CFAP299: variants seen among roughly 807,000 people sequenced by gnomAD.
CFAP299 encodes the protein cilia and flagella associated protein 299, also known as cilia- and flagella-associated protein 299.
CFAP299 carries 21 observed loss-of-function variants against 27.0 expected under a neutral mutation model. That is an observed-to-expected ratio of 0.78 (90% CI 0.55 to 1.12). The LOEUF is 1.12. CFAP299 is among the 50% of genes most tolerant of loss of function. CFAP299 has a pLI of 0.00. For synonymous variants in CFAP299, 104 were observed against 98.1 expected (o/e 1.06, Z -0.36); for missense variants, 310 against 276.6 (o/e 1.12, Z -0.86).
At chr4:80,814,241 C>G (rs976748356) in intron 3 of CFAP299, among the ~76,000 whole-genome samples, 4 of 151,990 alleles carry the variant, frequency 2.6e-5, no homozygotes, top group Admixed American at 6.6e-5. Context: ...TAATTATGTT[C>G]TTTCCTTCAA....
chr4:80,834,458 A>G (rs775484811), intron 3 of CFAP299, among the ~76,000 whole-genome samples: 1 of 152,176 alleles, frequency 6.6e-6, no homozygotes, highest in African/African-American at 2.4e-5. Flanking sequence ...TACAACATCT[A>G]TTACTTAATG....
At chr4:80,710,667 C>T (rs1010985725) in intron 3 of CFAP299, among the ~76,000 whole-genome samples, 1 of 151,270 alleles carries the variant, frequency 6.6e-6, no homozygotes, top group African/African-American at 2.4e-5. Context: ...TACCAGCGTT[C>T]CAACTACATC....
intron 3 of CFAP299, among the ~76,000 whole-genome samples, chr4:80,815,144 A>T (rs1263085884): frequency 1.3e-5 from 2 of 152,062 alleles, no homozygotes; most frequent in Admixed American, 1.3e-4. Flanking sequence ...AGACATGGAG[A>T]TGGAAAATAT....
intron 3 of CFAP299, among the ~76,000 whole-genome samples, chr4:80,796,556 G>T (rs1727872959): frequency 6.6e-6 from 1 of 152,156 alleles, no homozygotes; most frequent in Admixed American, 6.6e-5. Flanking sequence ...TGCTTCTGGT[G>T]GGCCTTATGG....
intron 4 of CFAP299, among the ~76,000 whole-genome samples, chr4:80,895,528 T>C (rs568884864): frequency 1.3e-5 from 2 of 152,046 alleles, no homozygotes; most frequent in Non-Finnish European, 2.9e-5. Context: ...TTCACAAATA[T>C]ATGTTTTGTC....
At chr4:80,547,826 G>A (rs1418954090) in intron 2 of CFAP299, among the ~76,000 whole-genome samples, 3 of 152,094 alleles carry the variant, frequency 2.0e-5, no homozygotes, top group Non-Finnish European at 4.4e-5. Context: ...AACCACATGA[G>A]ATACCATTTC....
intron 2 of CFAP299, among the ~76,000 whole-genome samples, chr4:80,500,100 T>C (rs1731668480): frequency 6.6e-6 from 1 of 152,112 alleles, no homozygotes; most frequent in African/African-American, 2.4e-5. Context: ...ACAGTCTGGA[T>C]TGAACTCCCA....
chr4:80,732,970 A>G (rs1351992391), intron 3 of CFAP299, among the ~76,000 whole-genome samples: 1 of 152,112 alleles, frequency 6.6e-6, no homozygotes, highest in Non-Finnish European at 1.5e-5. Flanking sequence ...TCAGTAATAC[A>G]CATGTGTTAT....
At chr4:80,704,225 T>A (rs1388113688) in intron 3 of CFAP299, among the ~76,000 whole-genome samples, 1 of 151,570 alleles carries the variant, frequency 6.6e-6, no homozygotes, top group East Asian at 1.9e-4. Flanking sequence ...ATTCATATAC[T>A]ATTGGAAGTA....
At chr4:80,739,860 C>A (rs1724151076) in intron 3 of CFAP299, among the ~76,000 whole-genome samples, 1 of 151,752 alleles carries the variant, frequency 6.6e-6, no homozygotes, top group African/African-American at 2.4e-5. Flanking sequence ...GTTTTTTATT[C>A]TTTTTTCTTT....
chr4:80,628,198 T>C (rs1487748969), intron 3 of CFAP299, among the ~76,000 whole-genome samples: 8 of 152,134 alleles, frequency 5.3e-5, no homozygotes, highest in South Asian at 4.1e-4. Context: ...AGCTGGCTGA[T>C]TTTTGACAGC....
intron 4 of CFAP299, among the ~76,000 whole-genome samples, chr4:80,938,161 C>T (rs1045001389): frequency 6.6e-6 from 1 of 152,150 alleles, no homozygotes; most frequent in African/African-American, 2.4e-5. Flanking sequence ...ATGACCCTTA[C>T]ATAATCATTA....
intron 2 of CFAP299, among the ~76,000 whole-genome samples, chr4:80,476,976 T>A (rs185214576): frequency 3.9e-5 from 6 of 152,118 alleles, no homozygotes; most frequent in Admixed American, 2.6e-4. Flanking sequence ...TGTGTGTGTG[T>A]GTGTGTGTCT....
chr4:80,629,754 C>A (rs1255790252), intron 3 of CFAP299, among the ~76,000 whole-genome samples: 2 of 151,688 alleles, frequency 1.3e-5, no homozygotes, highest in East Asian at 1.9e-4. Flanking sequence ...ATGGTGTGCA[C>A]CTGTAGTCCC....
At chr4:80,730,228 T>TTCTC (rs569112636) in intron 3 of CFAP299, among the ~76,000 whole-genome samples, 13,055 of 133,496 alleles carry the variant, frequency 0.098, 822 homozygotes, top group Middle Eastern at 0.18. Context: ...AGGTCTCTCT[T>TTCTC]TCTCTCTCTC....
Position 80,437,006 on chromosome 4 carries a change from T to C in CFAP299, c.242+74122T>C, listed in dbSNP as rs140481272. Among the ~76,000 whole-genome samples the C allele has an allele frequency of 7.4e-3, 1,134 of 152,322 alleles. 7 individuals are homozygous for C. The highest frequency in any genetic ancestry group is 0.02 in the South Asian group (98 of 4,826). On this transcript the variant is annotated intron_variant, in intron 2 of 5. Coordinates refer to ENST00000358105, the MANE Select transcript of CFAP299 (RefSeq NM_152770.3). ...TAACAGCTGTTTTGTATTCATGTAG[T>C]CTGGTAAGTTCTGCTGCATGTATCC...
At chr4:80,385,096 TGAG>T (rs1446458688) in intron 2 of CFAP299, among the ~76,000 whole-genome samples, 2 of 152,182 alleles carry the variant, frequency 1.3e-5, no homozygotes, top group Non-Finnish European at 2.9e-5. Context: ...TTGTTTATGA[TGAG>T]AACAATTAAT....
chr4:80,525,091 T>C (rs1733105039), intron 2 of CFAP299, among the ~76,000 whole-genome samples: 1 of 152,158 alleles, frequency 6.6e-6, no homozygotes. Context: ...GTTTACAACA[T>C]GACATTTGCT....
intron 4 of CFAP299, among the ~76,000 whole-genome samples, chr4:80,907,958 A>G (rs1227658589): frequency 1.3e-5 from 2 of 152,206 alleles, no homozygotes; most frequent in Non-Finnish European, 2.9e-5. Context: ...TTTGGATGGA[A>G]GAACAGTTCT....
Sources: allele counts gnomAD v4.1 joint callset (sites outside exome capture counted in the v4.1 genomes callset), GRCh38; gene constraint gnomAD v4.1.1; transcripts MANE v1.5; gene names NCBI Gene and HGNC (gene_info 2026-07-23, HGNC 2026-07-21).